RPS6KA2: variants seen among roughly 807,000 people sequenced by gnomAD.
RPS6KA2 encodes ribosomal protein S6 kinase alpha-2.
In RPS6KA2, 42 loss-of-function variants were observed where a neutral mutation model predicts 91.8. The observed-to-expected ratio is 0.46, with a 90% CI of 0.36 to 0.59. The LOEUF is 0.59. RPS6KA2 is among the 20% of genes least tolerant of loss of function. RPS6KA2 has a pLI of 0.00. For missense variants in RPS6KA2, 798 were observed against 978.5 expected, an observed-to-expected ratio of 0.82 and a Z score of 2.46; for synonymous variants, 414 against 393.6, an observed-to-expected ratio of 1.05 and a Z score of -0.61.
intron 1 of RPS6KA2, among the ~76,000 whole-genome samples, chr6:166,599,684 C>T (rs36119529): frequency 0.023 from 3,443 of 152,302 alleles, 53 homozygotes; most frequent in Middle Eastern, 0.12. Flanking sequence ...CAACATCTTA[C>T]TCTTATTAAA....
chr6:166,735,328 T>A (rs146858194), intron 2 of RPS6KA2, among the ~76,000 whole-genome samples: 85 of 152,282 alleles, frequency 5.6e-4, no homozygotes, highest in African/African-American at 1.9e-3. Context: ...TTGACAATAC[T>A]CTCATGGCGG....
Position 166,508,309 on chromosome 6 carries a change from G to A in RPS6KA2, c.380-27C>T. 8 of 1,489,552 alleles carry A rather than the reference G, an allele frequency of 5.4e-6. No homozygotes were observed. The highest frequency in any genetic ancestry group is 7.5e-6 in the Non-Finnish European group (8 of 1,067,002). The allele number at this position is 1,489,552 out of a possible 1,614,324, so 92.3% of individuals were successfully genotyped here. A position where few individuals can be genotyped will look rare whatever the true frequency, so the allele number is the denominator to read the frequency against. On this transcript the variant is annotated intron_variant, in intron 4 of 20. Coordinates refer to ENST00000265678, the MANE Select transcript of RPS6KA2 (RefSeq NM_021135.6). The surrounding 1 kb of genome is among the most constrained non-coding windows in gnomAD (Gnocchi z 4.3). ...TGTGGGGGACAGAGACCCGCATTTT[G>A]ACAGCTTGTCGAATGTCCTGTGGCA... is the stretch of plus-strand genomic sequence containing the variant.
chr6:166,571,691 T>G (rs1193201039), intron 1 of RPS6KA2, among the ~76,000 whole-genome samples: 4 of 142,842 alleles, frequency 2.8e-5, no homozygotes, highest in Admixed American at 1.4e-4. Context: ...TTTTTTTTTT[T>G]GCCTATCTAG....
chr6:166,763,374 T>A (rs1255401300), intron 2 of RPS6KA2, among the ~76,000 whole-genome samples: 2 of 152,230 alleles, frequency 1.3e-5, no homozygotes, highest in Non-Finnish European at 2.9e-5. Flanking sequence ...TAAAGCCACA[T>A]GGCTCGGTTC....
intron 5 of RPS6KA2, among the ~76,000 whole-genome samples, chr6:166,507,738 C>T (rs1392728549): frequency 1.3e-5 from 2 of 151,170 alleles, no homozygotes; most frequent in South Asian, 4.2e-4. Flanking sequence ...ACATCACATA[C>T]ACCACAAATC....
chr6:166,746,049 T>C (rs1790998312), intron 2 of RPS6KA2, among the ~76,000 whole-genome samples: 1 of 152,214 alleles, frequency 6.6e-6, no homozygotes, highest in African/African-American at 2.4e-5. Flanking sequence ...TTGCAGCTAC[T>C]GAGACACGCT....
chr6:166,836,280 CTCTTT>C (rs1285342659), intron 2 of RPS6KA2, among the ~76,000 whole-genome samples: 1 of 152,020 alleles, frequency 6.6e-6, no homozygotes, highest in African/African-American at 2.4e-5. Context: ...ATACTTCCTC[CTCTTT>C]TATTTTCTGG....
intron 10 of RPS6KA2, among the ~76,000 whole-genome samples, chr6:166,482,764 G>C (rs757668006): frequency 2.6e-5 from 4 of 152,208 alleles, no homozygotes; most frequent in South Asian, 2.1e-4. Context: ...AGTGAAATCT[G>C]TGTGTTTGGG....
At chr6:166,791,318 T>C (rs1372700587) in intron 2 of RPS6KA2, among the ~76,000 whole-genome samples, 1 of 152,104 alleles carries the variant, frequency 6.6e-6, no homozygotes, top group African/African-American at 2.4e-5. Context: ...GAGCTAACTA[T>C]CCTAAATATA....
intron 2 of RPS6KA2, among the ~76,000 whole-genome samples, chr6:166,650,632 T>G (rs1163505095): frequency 6.6e-6 from 1 of 152,228 alleles, no homozygotes; most frequent in Admixed American, 6.5e-5. Context: ...GGCATCCATA[T>G]TTTTGCAGTG....
intron 10 of RPS6KA2, among the ~76,000 whole-genome samples, chr6:166,480,555 C>T (rs1781178315): frequency 7.0e-6 from 1 of 141,848 alleles, no homozygotes; most frequent in Non-Finnish European, 1.5e-5. Context: ...TGCTCTGTTG[C>T]CCAGGCTGGA....
intron 11 of RPS6KA2, among the ~76,000 whole-genome samples, chr6:166,469,598 G>A (rs1780680307): frequency 6.6e-6 from 1 of 152,200 alleles, no homozygotes; most frequent in Non-Finnish European, 1.5e-5. Context: ...AGTAGAAGGA[G>A]GAAAGCTGAG....
chr6:166,568,489 C>G (rs1784573258), intron 1 of RPS6KA2, among the ~76,000 whole-genome samples: 1 of 151,990 alleles, frequency 6.6e-6, no homozygotes, highest in Non-Finnish European at 1.5e-5. Context: ...TGGTGGCAGG[C>G]ACCTGTAGTC....
intron 2 of RPS6KA2, among the ~76,000 whole-genome samples, chr6:166,711,922 C>CAG (rs1249658604): frequency 3.3e-5 from 5 of 150,608 alleles, no homozygotes; most frequent in Middle Eastern, 3.5e-3. Context: ...GACTGATTGA[C>CAG]AGAGAGAGAG....
rs1782317791 is a variant in RPS6KA2 at position 166,508,075 on chromosome 6, A to AC, written c.459+127dup. On this transcript the variant is annotated intron_variant, in intron 5 of 20. Transcript: ENST00000265678. The surrounding 1 kb of genome is among the most constrained non-coding windows in gnomAD (Gnocchi z 4.3). ...CTCTTGCACACACTCACACATGCAC[A>AC]CACCCCCACACACACACACGCACTC... The AC allele has an allele frequency of 3.2e-6, 2 of 627,558 alleles. No homozygotes were observed. Among genetic ancestry groups the AC allele is most frequent in the South Asian group, 3.8e-5 (2 of 53,100 alleles). The allele number at this position is 627,558 out of a possible 1,614,324, so 38.9% of individuals were successfully genotyped here. A position where few individuals can be genotyped will look rare whatever the true frequency, so the allele number is the denominator to read the frequency against.
chr6:166,558,635 C>T (rs1438564413), intron 1 of RPS6KA2, among the ~76,000 whole-genome samples: 1 of 152,304 alleles, frequency 6.6e-6, no homozygotes, highest in Middle Eastern at 3.4e-3. Flanking sequence ...GGATGGCGAC[C>T]ATAAGTGGGG....
chr6:166,486,256 G>GCA (rs886386733), intron 10 of RPS6KA2, among the ~76,000 whole-genome samples: 2 of 61,916 alleles, frequency 3.2e-5, no homozygotes, highest in Admixed American at 1.3e-4. Flanking sequence ...ACAGCTGTGA[G>GCA]CACACACACA....
At chr6:166,480,648 G>A (rs1477024872) in intron 10 of RPS6KA2, among the ~76,000 whole-genome samples, 2 of 151,534 alleles carry the variant, frequency 1.3e-5, no homozygotes, top group Non-Finnish European at 2.9e-5. Context: ...CTGAGCAGCT[G>A]GGATTACAGG....
chr6:166,623,638 G>T (rs889113762), intron 1 of RPS6KA2, among the ~76,000 whole-genome samples: 2 of 152,202 alleles, frequency 1.3e-5, no homozygotes, highest in African/African-American at 4.8e-5. Context: ...TGAGATGCAG[G>T]TTACTCTGCC....
Sources: allele counts gnomAD v4.1 joint callset (sites outside exome capture counted in the v4.1 genomes callset), GRCh38; gene constraint gnomAD v4.1.1; non-coding constraint Gnocchi (gnomAD v3.1); transcripts MANE v1.5; gene names NCBI Gene and HGNC (gene_info 2026-07-23, HGNC 2026-07-21).